The following ATOSA variants were observed in gnomAD, a reference collection of about 807,000 sequenced individuals.
ATOSA encodes atos homolog protein A.
chr15:52,688,250 A>T, the ATOSA span, among the ~76,000 whole-genome samples: 1 of 152,250 alleles, frequency 6.6e-6, no homozygotes, highest in Non-Finnish European at 1.5e-5. Flanking sequence ...TAATAAATAG[A>T]TTGTTTCAGA....
the ATOSA span, among the ~76,000 whole-genome samples, chr15:52,630,343 G>A: frequency 1.3e-5 from 2 of 152,250 alleles, no homozygotes; most frequent in East Asian, 3.9e-4. Flanking sequence ...CACAGAGACT[G>A]AGAAGACATG....
chr15:52,683,039 G>C, the ATOSA span, among the ~76,000 whole-genome samples: 1 of 152,162 alleles, frequency 6.6e-6, no homozygotes, highest in African/African-American at 2.4e-5. Context: ...GTCTGCGTAA[G>C]TGTCTTAGGG....
At chr15:52,596,158 T>G in the ATOSA span, among the ~76,000 whole-genome samples, 1 of 152,040 alleles carries the variant, frequency 6.6e-6, no homozygotes, top group Non-Finnish European at 1.5e-5. Flanking sequence ...TGCTAAAAAC[T>G]ATAAAACACT....
chr15:52,670,987 T>C, the ATOSA span, among the ~76,000 whole-genome samples: 1 of 152,178 alleles, frequency 6.6e-6, no homozygotes, highest in South Asian at 2.1e-4. Context: ...TACTTTCTTA[T>C]ATTCATAAAC....
the ATOSA span, chr15:52,609,671 T>C: frequency 1.2e-6 from 2 of 1,613,716 alleles, no homozygotes; most frequent in Middle Eastern, 1.6e-4. Context: ...ACGTTCTCAT[T>C]TTCTTGTGAA....
the ATOSA span, among the ~76,000 whole-genome samples, chr15:52,654,607 G>T: frequency 6.6e-6 from 1 of 152,114 alleles, no homozygotes; most frequent in Non-Finnish European, 1.5e-5. Flanking sequence ...TGGTCGTTAA[G>T]TATGTTCTCT....
At chr15:52,614,874 T>C in the ATOSA span, among the ~76,000 whole-genome samples, 5 of 152,240 alleles carry the variant, frequency 3.3e-5, 1 homozygote, top group Admixed American at 3.3e-4. Flanking sequence ...TATTTTTGGA[T>C]GTCAGGTACA....
At chr15:52,650,868 T>C in the ATOSA span, among the ~76,000 whole-genome samples, 1 of 152,230 alleles carries the variant, frequency 6.6e-6, no homozygotes, top group Non-Finnish European at 1.5e-5. Flanking sequence ...TGCTAATTAG[T>C]CTGCTCTGCT....
At chr15:52,670,227 T>G in the ATOSA span, among the ~76,000 whole-genome samples, 1 of 152,248 alleles carries the variant, frequency 6.6e-6, no homozygotes, top group African/African-American at 2.4e-5. Context: ...AACGGAGTTC[T>G]GAAACACTCA....
chr15:52,592,746 G>A, the ATOSA span, among the ~76,000 whole-genome samples: 14 of 152,326 alleles, frequency 9.2e-5, no homozygotes, highest in Non-Finnish European at 1.8e-4. Context: ...AAGCCTTCCT[G>A]GGTTGCATGT....
chr15:52,651,551 GCA>G, the ATOSA span, among the ~76,000 whole-genome samples: 3 of 152,154 alleles, frequency 2.0e-5, no homozygotes, highest in Non-Finnish European at 4.4e-5. Context: ...TCTGGCTAAT[GCA>G]CATTCTCTTC....
At chr15:52,634,745 GCA>G in the ATOSA span, among the ~76,000 whole-genome samples, 1 of 151,912 alleles carries the variant, frequency 6.6e-6, no homozygotes, top group Admixed American at 6.6e-5. Context: ...GGGATTACAG[GCA>G]CATGCCACCA....
At chr15:52,655,657 A>C in the ATOSA span, among the ~76,000 whole-genome samples, 6 of 152,294 alleles carry the variant, frequency 3.9e-5, no homozygotes, top group South Asian at 1.2e-3. Context: ...TCAAAGTAGC[A>C]ATGTGCTACA....
At chr15:52,598,775 T>C in the ATOSA span, 3 of 152,228 alleles carry the variant, frequency 2.0e-5, no homozygotes, top group Non-Finnish European at 4.4e-5. Context: ...AAATCTCATG[T>C]TGAAATGTAA....
At chr15:52,587,312 C>A in the ATOSA span, 1 of 1,073,224 alleles carries the variant, frequency 9.3e-7, no homozygotes, top group Middle Eastern at 3.2e-4. Context: ...ATTAAAATTT[C>A]AGAATTCTAT....
At chr15:52,613,110 G>A in the ATOSA span, among the ~76,000 whole-genome samples, 61 of 152,308 alleles carry the variant, frequency 4.0e-4, no homozygotes, top group African/African-American at 1.5e-3. Flanking sequence ...GCTCATGCCT[G>A]TAATCCCAGC....
chr15:52,588,221 A>G, the ATOSA span, among the ~76,000 whole-genome samples: 1 of 152,222 alleles, frequency 6.6e-6, no homozygotes, highest in South Asian at 2.1e-4. Flanking sequence ...TCTCCAGATT[A>G]TATCAATTTA....
chr15:52,667,401 A>G, the ATOSA span, among the ~76,000 whole-genome samples: 1 of 152,256 alleles, frequency 6.6e-6, no homozygotes, highest in African/African-American at 2.4e-5. Flanking sequence ...ATGTGACTAA[A>G]GATGTTATTG....
chr15:52,700,590 C>T, the ATOSA span, among the ~76,000 whole-genome samples: 2 of 152,186 alleles, frequency 1.3e-5, no homozygotes, highest in Admixed American at 1.3e-4. Context: ...AAGCAACTAC[C>T]CTTCATATTT....
Sources: gnomAD v4.1 joint callset for allele counts (sites outside exome capture counted in the v4.1 genomes callset) on GRCh38, gnomAD v4.1.1 for gene constraint, MANE v1.5 for transcripts, NCBI Gene and HGNC (gene_info 2026-07-23, HGNC 2026-07-21) for gene names.